Variants in PCBP3 observed in about 807,000 individuals in gnomAD.
PCBP3 encodes poly(rC) binding protein 3.
A neutral mutation model predicts 52.7 loss-of-function variants in PCBP3; 25 were observed. The observed-to-expected ratio is 0.47, with a 90% CI of 0.35 to 0.66. The LOEUF (loss-of-function observed/expected upper bound fraction) is 0.66. Ranked by LOEUF, PCBP3 falls within the 30% of genes least tolerant of loss-of-function variation. PCBP3 has a pLI of 0.01. For missense variants in PCBP3, 391 were observed against 490.3 expected (o/e 0.80, Z 1.91); for synonymous variants, 162 against 183.0 (o/e 0.89, Z 0.93).
At chr21:45,810,121 TATC>T (rs746500471) in intron 4 of PCBP3, among the ~76,000 whole-genome samples, 3 of 152,224 alleles carry the variant, frequency 2.0e-5, no homozygotes, top group South Asian at 2.1e-4. Context: ...TTTACTGCCT[TATC>T]ATGTTAATAT....
chr21:45,733,578 A>C (rs1360106342), intron 2 of PCBP3, among the ~76,000 whole-genome samples: 1 of 151,506 alleles, frequency 6.6e-6, no homozygotes, highest in Non-Finnish European at 1.5e-5. Flanking sequence ...GGCATGAGCC[A>C]CCGTGCCTGG....
At chr21:45,901,995 G>T (rs73907909) in intron 9 of PCBP3, among the ~76,000 whole-genome samples, 1,815 of 152,288 alleles carry the variant, frequency 0.012, 45 homozygotes, top group African/African-American at 0.041. Context: ...GCCATGGTGG[G>T]GGTCGGCGCC....
At chr21:45,806,353 G>T (rs2092500669) in intron 4 of PCBP3, among the ~76,000 whole-genome samples, 1 of 151,258 alleles carries the variant, frequency 6.6e-6, no homozygotes, top group Non-Finnish European at 1.5e-5. Flanking sequence ...GTGAGGCCAG[G>T]AGACGTGTTC....
chr21:45,718,981 G>A (rs761453026), intron 2 of PCBP3, among the ~76,000 whole-genome samples: 2 of 152,164 alleles, frequency 1.3e-5, no homozygotes, highest in Non-Finnish European at 2.9e-5. Flanking sequence ...AAGATGCTCT[G>A]TAAAATAAAG....
At chr21:45,690,341 T>C (rs762142859) in intron 2 of PCBP3, among the ~76,000 whole-genome samples, 3 of 152,124 alleles carry the variant, frequency 2.0e-5, no homozygotes, top group African/African-American at 4.8e-5. Flanking sequence ...ATATAAAAGC[T>C]AAGTCCATGA....
In PCBP3 at chr21:45,910,839, G is replaced by C. The variant is rs888446013; in HGVS notation, c.472-63G>C. ...GAGCTGCCTTGGGTGCCGAGACTCG[G>C]GAGGTACTGCTGCCCCATGCGCTGC... On this transcript the variant is annotated intron_variant, in intron 10 of 17. Coordinates refer to ENST00000681687, the MANE Select transcript of PCBP3 (RefSeq NM_001384156.1). 28 of 1,511,484 alleles carry C rather than the reference G, an allele frequency of 1.9e-5. No homozygotes were observed. In the African/African-American group the frequency reaches 3.7e-4, roughly 20 times the overall value. 93.6% of individuals were successfully genotyped at this position (1,511,484 alleles called of 1,614,324 possible). A position where few individuals can be genotyped will look rare whatever the true frequency, so the allele number is the denominator to read the frequency against.
At chr21:45,772,329 G>T (rs374097617) in intron 4 of PCBP3, among the ~76,000 whole-genome samples, 1 of 152,010 alleles carries the variant, frequency 6.6e-6, no homozygotes, top group East Asian at 1.9e-4. Flanking sequence ...GTCTTTTTGT[G>T]CCTGGCTTAT....
At chr21:45,679,166 T>A (rs910091851) in intron 2 of PCBP3, among the ~76,000 whole-genome samples, 3 of 151,718 alleles carry the variant, frequency 2.0e-5, no homozygotes, top group African/African-American at 7.3e-5. Context: ...TTGCCCAGGC[T>A]GGAGTGTGCA....
intron 5 of PCBP3, among the ~76,000 whole-genome samples, chr21:45,892,921 C>A (rs1386208717): frequency 2.0e-5 from 3 of 152,096 alleles, no homozygotes; most frequent in Non-Finnish European, 4.4e-5. Context: ...AGCTGGAAAT[C>A]AGCGCAGGGA....
chr21:45,905,569 G>T (rs2096181597), intron 9 of PCBP3, among the ~76,000 whole-genome samples: 1 of 152,256 alleles, frequency 6.6e-6, no homozygotes, highest in Non-Finnish European at 1.5e-5. Flanking sequence ...CACGGCAGAC[G>T]CTGGTTCTCT....
At chr21:45,815,390 GGTGAGTGGTGA>G (rs1344041766) in intron 4 of PCBP3, among the ~76,000 whole-genome samples, 53 of 88,498 alleles carry the variant, frequency 6.0e-4, no homozygotes, top group African/African-American at 1.3e-3. Flanking sequence ...GTGAGTGAGT[GGTGAGTGGTGA>G]GTGAGTGGTG....
At chr21:45,645,215 C>G (rs940261231) in intron 1 of PCBP3, among the ~76,000 whole-genome samples, 1 of 145,360 alleles carries the variant, frequency 6.9e-6, no homozygotes, top group African/African-American at 2.6e-5. Context: ...GACCGACTAA[C>G]TGATGTCTCA....
intron 4 of PCBP3, among the ~76,000 whole-genome samples, chr21:45,764,709 A>G (rs1305035617): frequency 6.6e-6 from 1 of 152,230 alleles, no homozygotes; most frequent in Non-Finnish European, 1.5e-5. Flanking sequence ...GAGTGTTTTC[A>G]AGCTTTTAAT....
chr21:45,879,705 T>C, intron 5 of PCBP3, among the ~76,000 whole-genome samples: 1 of 127,562 alleles, frequency 7.8e-6, no homozygotes, highest in Admixed American at 8.3e-5. Context: ...AACACACACC[T>C]CTAAATAATG....
At chr21:45,648,713 T>G (rs1291800013) in intron 1 of PCBP3, among the ~76,000 whole-genome samples, 2 of 152,256 alleles carry the variant, frequency 1.3e-5, no homozygotes, top group Non-Finnish European at 2.9e-5. Flanking sequence ...ATTAAATATC[T>G]TACTGTTTTA....
rs115915775 is a variant in PCBP3 at position 45,853,095 on chromosome 21, C to T, written c.10+3000C>T. On this transcript the variant is annotated intron_variant, in intron 5 of 17. Coordinates refer to ENST00000681687, the MANE Select transcript of PCBP3 (RefSeq NM_001384156.1). The surrounding 1 kb of genome is among the most constrained non-coding windows in gnomAD (Gnocchi z 4.6). ...GAGCAGATGCGGAAAGTGCACATGC[C>T]GCTGGCCAGAGGGGGTGGGCTGGCA... 2.0e-5 allele frequency among the ~76,000 whole-genome samples: 3 copies of T among 152,114 alleles called. No individual in the cohort carries two copies. The highest frequency in any genetic ancestry group is 4.4e-5 in the Non-Finnish European group (3 of 68,018).
chr21:45,672,571 C>G (rs1428398395), intron 2 of PCBP3, among the ~76,000 whole-genome samples: 3 of 152,000 alleles, frequency 2.0e-5, no homozygotes, highest in Non-Finnish European at 4.4e-5. Flanking sequence ...GTAACTATAG[C>G]CAAAGTTCTT....
intron 17 of PCBP3, among the ~76,000 whole-genome samples, chr21:45,941,182 C>A (rs9306145): frequency 0.067 from 10,234 of 152,236 alleles, 879 homozygotes; most frequent in African/African-American, 0.19. Context: ...GGAGGCTGGG[C>A]AAAGTGCAGC....
chr21:45,776,812 T>C (rs772378711), intron 4 of PCBP3, among the ~76,000 whole-genome samples: 4 of 152,218 alleles, frequency 2.6e-5, no homozygotes, highest in Non-Finnish European at 5.9e-5. Flanking sequence ...TTTTAAAATA[T>C]ATTCAGCCGT....
Sources: gnomAD v4.1 joint callset for allele counts (sites outside exome capture counted in the v4.1 genomes callset) on GRCh38, gnomAD v4.1.1 for gene constraint, Gnocchi (gnomAD v3.1) non-coding constraint, MANE v1.5 for transcripts, NCBI Gene and HGNC (gene_info 2026-07-23, HGNC 2026-07-21) for gene names.